Variants in ELFN2 observed in about 807,000 individuals in gnomAD.
ELFN2 encodes the protein protein phosphatase 1 regulatory subunit 29.
Under a neutral mutation model 45.5 loss-of-function variants are expected in ELFN2, and 17 were observed. The observed-to-expected ratio is 0.37, with a 90% confidence interval of 0.26 to 0.56. ELFN2 has a LOEUF of 0.56. ELFN2 is among the 20% of genes least tolerant of loss of function. The pLI, the probability that ELFN2 is intolerant of heterozygous loss-of-function variation, is 0.77. For synonymous variants in ELFN2, 550 were observed against 551.5 expected, an observed-to-expected ratio of 1.00 and a Z score of 0.04; for missense variants, 922 against 1,183.2, an observed-to-expected ratio of 0.78 and a Z score of 3.24.
chr22:37,377,607 G>T (rs924667351), intron 2 of ELFN2, among the ~76,000 whole-genome samples: 4 of 152,242 alleles, frequency 2.6e-5, no homozygotes, highest in Admixed American at 1.3e-4. Flanking sequence ...CAAGAAGTCC[G>T]AGGTGGGGAT....
chr22:37,344,006 C>G (rs982413234), intron 1 of ELFN2, among the ~76,000 whole-genome samples: 1 of 148,532 alleles, frequency 6.7e-6, no homozygotes. Flanking sequence ...CCTGCCCATG[C>G]CCCCCTGCCT....
chr22:37,383,043 A>C (rs1025610925), intron 2 of ELFN2, among the ~76,000 whole-genome samples: 1 of 152,154 alleles, frequency 6.6e-6, no homozygotes, highest in Non-Finnish European at 1.5e-5. Context: ...GCTAAACAGC[A>C]CCACGTCCTC....
At position 37,374,449 on chromosome 22, in the gene ELFN2, G is replaced by C. The variant is rs758839334; in HGVS notation, c.1086C>G (p.Thr362=). ...TGAAGCGGCGGCTGTTGCGCAGCGA[G>C]GTCACGCAGAAGGTGTACTCAGTGT... The part of the protein sequence containing the change: ...RAHTEYTFCV[T]SLRNSRRFNH... Residue 362 remains threonine (T), a synonymous_variant, in exon 3 of 3, where the codon ACC becomes ACG. Coordinates refer to ENST00000402918, the MANE Select transcript of ELFN2 (RefSeq NM_052906.5). The C allele has an allele frequency of 6.2e-7, 1 of 1,614,134 alleles. No homozygotes were observed. Among genetic ancestry groups the C allele is most frequent in the Non-Finnish European group, 8.5e-7 (1 of 1,179,988 alleles).
intron 2 of ELFN2, chr22:37,385,225 T>G (rs1931917404): frequency 1.3e-5 from 2 of 152,364 alleles, no homozygotes; most frequent in Non-Finnish European, 2.9e-5. Flanking sequence ...CCTCCGCACT[T>G]CCCATATTAA....
intron 1 of ELFN2, among the ~76,000 whole-genome samples, chr22:37,345,168 C>G (rs1930667023): frequency 6.6e-6 from 1 of 152,250 alleles, no homozygotes; most frequent in Non-Finnish European, 1.5e-5. Flanking sequence ...CATCCTGACA[C>G]ACTGGCCTCC....
intron 1 of ELFN2, among the ~76,000 whole-genome samples, chr22:37,425,509 GA>G (rs1313269119): frequency 1.3e-5 from 2 of 151,758 alleles, no homozygotes; most frequent in African/African-American, 4.8e-5. Flanking sequence ...ACACTCCCGT[GA>G]CATCACATTT....
At position 37,374,889 on chromosome 22, in the gene ELFN2, C is replaced by T; in HGVS notation, c.646G>A (p.Glu216Lys). ...TAGCCGGCAAACTCCCGCGGCGACTCACACTGCAGGCGGTCGTAGTTCTTG... is the reference window on the plus strand; with the variant it reads ...TAGCCGGCAAACTCCCGCGGCGACTTACACTGCAGGCGGTCGTAGTTCTTG... ...VTKNYDRLQC[E>K]SPREFAGYPL... Residue 216 changes from glutamate (E) to lysine (K), a missense_variant, in exon 3 of 3, where the codon GAG (glutamate) becomes AAG (lysine). This residue lies in a region of ELFN2 where 358 missense variants were observed against 540.4 expected (regional missense o/e 0.66). Coordinates refer to ENST00000402918, the MANE Select transcript of ELFN2 (RefSeq NM_052906.5). 1 of 1,611,668 alleles carries T rather than the reference C, an allele frequency of 6.2e-7. No individual in the cohort carries two copies. The highest frequency in any genetic ancestry group is 8.5e-7 in the Non-Finnish European group (1 of 1,179,912).
chr22:37,405,833 A>G (rs1425157487), intron 2 of ELFN2, among the ~76,000 whole-genome samples: 2 of 125,670 alleles, frequency 1.6e-5, no homozygotes, highest in African/African-American at 3.8e-5. Context: ...AAAAAAAAAA[A>G]GGGTGGAGGG....
intron 1 of ELFN2, among the ~76,000 whole-genome samples, chr22:37,355,820 T>C (rs929706034): frequency 4.6e-5 from 7 of 152,220 alleles, no homozygotes; most frequent in Non-Finnish European, 1.0e-4. Flanking sequence ...TCCACAGCCA[T>C]GAAACCCAAA....
intron 2 of ELFN2, among the ~76,000 whole-genome samples, chr22:37,400,803 A>T (rs143824823): frequency 3.3e-5 from 5 of 152,382 alleles, no homozygotes; most frequent in African/African-American, 4.8e-5. Context: ...CTTCTTGTAG[A>T]GGGATCTAAA....
chr22:37,426,361 C>CAT (rs1555925772), intron 1 of ELFN2, among the ~76,000 whole-genome samples: 2 of 151,946 alleles, frequency 1.3e-5, no homozygotes, highest in African/African-American at 4.8e-5. Context: ...CGCGCGCACA[C>CAT]ACACACACAC....
intron 1 of ELFN2, among the ~76,000 whole-genome samples, chr22:37,422,953 G>GGC (rs1053137145): frequency 1.1e-4 from 17 of 149,214 alleles, no homozygotes; most frequent in African/African-American, 3.7e-4. Flanking sequence ...CGGGGGGGGG[G>GGC]GGGGAAGTGA....
chr22:37,400,954 G>A (rs1932346442), intron 2 of ELFN2, among the ~76,000 whole-genome samples: 2 of 152,214 alleles, frequency 1.3e-5, no homozygotes, highest in African/African-American at 4.8e-5. Flanking sequence ...ATTTCATACC[G>A]ATTCTCAAGT....
chr22:37,359,944 G>A (rs1221535528), intron 1 of ELFN2, among the ~76,000 whole-genome samples: 1 of 152,206 alleles, frequency 6.6e-6, no homozygotes, highest in Non-Finnish European at 1.5e-5. Flanking sequence ...TTCATCACAT[G>A]CAAATTAAGG....
Position 37,374,282 on chromosome 22 carries a change from C to A in ELFN2, c.1253G>T (p.Cys418Phe), listed in dbSNP as rs370343661. 11 of 1,613,858 alleles carry A rather than the reference C, an allele frequency of 6.8e-6. No homozygotes were observed. Among genetic ancestry groups the A allele is most frequent in the Middle Eastern group, 1.6e-4 (1 of 6,062 alleles). The change falls in exon 3 of 3, where the codon TGC becomes TTC. Residue 418 changes from cysteine (C) to phenylalanine (F), a missense_variant. Cys to Phe is a radical substitution (Grantham distance 205, BLOSUM62 -2). This residue lies in a region of ELFN2 where 564 missense variants were observed against 642.8 expected (regional missense o/e 0.88). Transcript: ENST00000402918. ...CTCCTGCATGCGCCGCTTGCGCAGG[C>A]AGTAGTACACGGCTCCCAGCACGAT... ...MVIVLGAVYYCLRKRRMQEEK... is the reference protein window; with the variant it reads ...MVIVLGAVYYFLRKRRMQEEK...
chr22:37,349,531 C>T (rs541545565), intron 1 of ELFN2, among the ~76,000 whole-genome samples: 1 of 151,192 alleles, frequency 6.6e-6, no homozygotes, highest in Non-Finnish European at 1.5e-5. Flanking sequence ...CAGCCTGGCA[C>T]AGGGTAAGCC....
At position 37,374,541 on chromosome 22, in the gene ELFN2, A is replaced by C. The variant is rs1158264892; in HGVS notation, c.994T>G (p.Tyr332Asp). ...MYILVQYNNS[Y>D]FSDVMTLKNK... The stretch of plus-strand genomic sequence containing the variant: ...TTGAGGGTCATGACGTCGGAGAAGT[A>C]GCTGTTGTTGTACTGCACGAGGATG... The change falls in exon 3 of 3, where the codon TAC becomes GAC. Residue 332 changes from tyrosine to aspartate, a missense_variant. Tyr to Asp is a radical substitution (Grantham distance 160). Around this residue, in one of 2 missense-constraint regions of ELFN2, gnomAD observed 358 missense variants for 540.4 expected, o/e 0.66. Coordinates refer to ENST00000402918, the MANE Select transcript of ELFN2 (RefSeq NM_052906.5). 4 of 1,614,186 alleles carry C rather than the reference A, an allele frequency of 2.5e-6. No individual in the cohort carries two copies. Among genetic ancestry groups the C allele is most frequent in the Non-Finnish European group, 2.5e-6 (3 of 1,180,034 alleles).
At chr22:37,390,828 T>C (rs1932069151) in intron 2 of ELFN2, among the ~76,000 whole-genome samples, 2 of 152,092 alleles carry the variant, frequency 1.3e-5, no homozygotes, top group South Asian at 2.1e-4. Flanking sequence ...GAAGGTTCTT[T>C]ACCCAGCAAC....
At chr22:37,346,798 G>A (rs1445539731) in intron 1 of ELFN2, among the ~76,000 whole-genome samples, 1 of 151,848 alleles carries the variant, frequency 6.6e-6, no homozygotes, top group African/African-American at 2.4e-5. Context: ...ACACATGCAC[G>A]CAGACTGTAC....
Sources: allele counts gnomAD v4.1 joint callset (sites outside exome capture counted in the v4.1 genomes callset), GRCh38; gene constraint gnomAD v4.1.1; regional missense constraint gnomAD v4.1.1; transcripts MANE v1.5; gene names NCBI Gene and HGNC (gene_info 2026-07-23, HGNC 2026-07-21).